PRKCI: variants seen among roughly 807,000 people sequenced by gnomAD.
PRKCI encodes the protein protein kinase C iota type.
PRKCI carries 43 observed loss-of-function variants against 84.0 expected under a neutral mutation model. The ratio of observed to expected loss-of-function variants is 0.51; its 90% CI spans 0.40 to 0.66. The LOEUF is 0.66. Among genes scored for constraint, PRKCI ranks in the 30% least tolerant of loss-of-function variants. The probability of loss-of-function intolerance (pLI) is 0.00; values close to 1 mark genes in which losing one functional copy is unlikely to be tolerated. For synonymous variants in PRKCI, 216 were observed against 234.4 expected (o/e 0.92, Z 0.72); for missense variants, 459 against 745.6 (o/e 0.62, Z 4.48).
At position 170,245,949 on chromosome 3, in the gene PRKCI, G is replaced by GTTTTTTTTTTTTTTT. The variant is rs112482352; in HGVS notation, c.223+10605_223+10619dup. On this transcript the variant is annotated intron_variant, in intron 2 of 17. Coordinates refer to ENST00000295797, the MANE Select transcript of PRKCI (RefSeq NM_002740.6). Reference sequence around the variant, plus strand: ...TTTTTTCCCTGGATGTTATGTCTTTGTTTTTTTTTTTTTTTTTTTTTCTGA... The same window carrying GTTTTTTTTTTTTTTT: ...TTTTTTCCCTGGATGTTATGTCTTTGTTTTTTTTTTTTTTTTTTTTTTTTTTTTTTTTTTTTCTGA... 2.4e-4 allele frequency among the ~76,000 whole-genome samples: 20 copies of GTTTTTTTTTTTTTTT among 82,462 alleles called. 1 individual carries two copies. Among genetic ancestry groups the GTTTTTTTTTTTTTTT allele is most frequent in the African/African-American group, 4.9e-4 (10 of 20,444 alleles). The allele number at this position is 82,462 out of a possible 152,430, so 54.1% of individuals were successfully genotyped here.
At chr3:170,231,256 C>A (rs559652967) in intron 1 of PRKCI, among the ~76,000 whole-genome samples, 1 of 151,874 alleles carries the variant, frequency 6.6e-6, no homozygotes, top group Non-Finnish European at 1.5e-5. Flanking sequence ...CCACCGTGCC[C>A]GGCCTATTCC....
At chr3:170,274,343 A>T (rs1013950227) in intron 7 of PRKCI, among the ~76,000 whole-genome samples, 2 of 152,182 alleles carry the variant, frequency 1.3e-5, no homozygotes, top group Admixed American at 6.5e-5. Flanking sequence ...CATGTTGGCC[A>T]AGCTGGTCTC....
chr3:170,273,892 G>T (rs560196344), intron 7 of PRKCI, among the ~76,000 whole-genome samples: 1 of 151,826 alleles, frequency 6.6e-6, no homozygotes, highest in African/African-American at 2.4e-5. Flanking sequence ...ATCACTTTGG[G>T]AGGTCGAGGC....
rs868535592 is a variant in PRKCI at position 170,250,444 on chromosome 3, C to A, written c.224-9525C>A. 5.4e-3 allele frequency among the ~76,000 whole-genome samples: 375 copies of A among 68,904 alleles called. 5 individuals carry two copies. Among genetic ancestry groups the A allele is most frequent in the African/African-American group, 0.017 (332 of 19,432 alleles). The allele number at this position is 68,904 out of a possible 152,430, so 45.2% of individuals were successfully genotyped here. ...ATTTTCATTACCAACCCCCCCCCCC[C>A]AAAAAAAAATCTCGTGTCTATTAGC... On this transcript the variant is annotated intron_variant, in intron 2 of 17. Coordinates refer to ENST00000295797, the MANE Select transcript of PRKCI (RefSeq NM_002740.6).
At chr3:170,269,215 A>G (rs1733941742) in intron 5 of PRKCI, among the ~76,000 whole-genome samples, 1 of 152,104 alleles carries the variant, frequency 6.6e-6, no homozygotes, top group Admixed American at 6.6e-5. Context: ...ATGCCTGGCC[A>G]GAAACGAATT....
chr3:170,281,773 T>A, intron 10 of PRKCI, 109 bp from the exon 11 acceptor site: 1 of 1,410,574 alleles, frequency 7.1e-7, no homozygotes, highest in Non-Finnish European at 9.3e-7. Flanking sequence ...GGCATCTTTT[T>A]AAAGGCTAAA....
intron 2 of PRKCI, among the ~76,000 whole-genome samples, chr3:170,248,116 C>T (rs1733335961): frequency 6.6e-6 from 1 of 152,108 alleles, no homozygotes; most frequent in Non-Finnish European, 1.5e-5. Flanking sequence ...GATACTGTCT[C>T]AGAGGTTGCC....
rs1733677336 is a variant in PRKCI at position 170,259,772 on chromosome 3, C to T, written c.224-197C>T. ...AGTGAGCCAGGATCATGCCACTGCA[C>T]TCCAGCCTGGGTGGCAAGAGCAAAA... is the stretch of plus-strand genomic sequence containing the variant. On this transcript the variant is annotated intron_variant, in intron 2 of 17. Coordinates refer to ENST00000295797, the MANE Select transcript of PRKCI (RefSeq NM_002740.6). 1.3e-5 allele frequency among the ~76,000 whole-genome samples: 2 copies of T among 152,184 alleles called. 1 individual carries two copies. Among genetic ancestry groups the T allele is most frequent in the Admixed American group, 1.3e-4 (2 of 15,278 alleles).
intron 8 of PRKCI, among the ~76,000 whole-genome samples, chr3:170,277,739 C>G (rs1388502101): frequency 6.6e-6 from 1 of 150,982 alleles, no homozygotes; most frequent in Non-Finnish European, 1.5e-5. Flanking sequence ...TTTACTGTTT[C>G]TCTAGAAGAT....
At chr3:170,264,016 C>T (rs772074296) in intron 4 of PRKCI, among the ~76,000 whole-genome samples, 36 of 152,192 alleles carry the variant, frequency 2.4e-4, no homozygotes, top group Non-Finnish European at 4.3e-4. Context: ...ATGTTCAAAC[C>T]TATACAGAAG....
chr3:170,245,435 G>GT (rs1452253158), intron 2 of PRKCI, among the ~76,000 whole-genome samples: 1 of 152,158 alleles, frequency 6.6e-6, no homozygotes, highest in Non-Finnish European at 1.5e-5. Context: ...CACATCTGGT[G>GT]TCGGAAGCAT....
chr3:170,236,635 G>A (rs1248278319), intron 2 of PRKCI, among the ~76,000 whole-genome samples: 1 of 152,156 alleles, frequency 6.6e-6, no homozygotes, highest in African/African-American at 2.4e-5. Context: ...TCTGAGGTGG[G>A]AGGATTGCTT....
intron 2 of PRKCI, among the ~76,000 whole-genome samples, chr3:170,250,854 G>A (rs567903650): frequency 9.4e-4 from 143 of 152,200 alleles, no homozygotes; most frequent in African/African-American, 3.3e-3. Flanking sequence ...ACTTAGACTT[G>A]TTATTTATCA....
At chr3:170,291,042 A>G (rs1003556802) in intron 12 of PRKCI, among the ~76,000 whole-genome samples, 1 of 152,152 alleles carries the variant, frequency 6.6e-6, no homozygotes, top group Non-Finnish European at 1.5e-5. Flanking sequence ...AGGCTGAGGC[A>G]GGAGAATTGC....
intron 1 of PRKCI, among the ~76,000 whole-genome samples, chr3:170,225,248 ATCAGCAC>A (rs1189244451): frequency 1.3e-5 from 2 of 152,224 alleles, no homozygotes; most frequent in African/African-American, 4.8e-5. Context: ...TAAAGACAAT[ATCAGCAC>A]TCTAAATTGT....
chr3:170,237,661 C>T (rs1187492182), intron 2 of PRKCI, among the ~76,000 whole-genome samples: 1 of 152,152 alleles, frequency 6.6e-6, no homozygotes, highest in Non-Finnish European at 1.5e-5. Context: ...GGGATCATTT[C>T]TATCTTCCCT....
intron 2 of PRKCI, among the ~76,000 whole-genome samples, chr3:170,258,882 A>G (rs1353765822): frequency 1.3e-5 from 2 of 152,208 alleles, no homozygotes; most frequent in South Asian, 2.1e-4. Flanking sequence ...AACTAATCGT[A>G]TTGTGGCAAT....
intron 9 of PRKCI, 110 bp from the exon 10 acceptor site, chr3:170,281,056 A>T: frequency 1.3e-6 from 1 of 777,280 alleles, no homozygotes; most frequent in East Asian, 2.6e-5. Context: ...AATGGTTTTG[A>T]TATTTAGCCT....
At chr3:170,233,120 AATT>A (rs1732846775) in intron 1 of PRKCI, among the ~76,000 whole-genome samples, 1 of 151,650 alleles carries the variant, frequency 6.6e-6, no homozygotes, top group Non-Finnish European at 1.5e-5. Flanking sequence ...TGCCTAAACC[AATT>A]ATTATAATGG....
Sources: gnomAD v4.1 joint callset for allele counts (sites outside exome capture counted in the v4.1 genomes callset) on GRCh38, gnomAD v4.1.1 for gene constraint, MANE v1.5 for transcripts, NCBI Gene and HGNC (gene_info 2026-07-23, HGNC 2026-07-21) for gene names.